PHLDB1: variants seen among roughly 807,000 people sequenced by gnomAD.
The protein encoded by PHLDB1 is pleckstrin homology-like domain family B member 1.
In PHLDB1, 65 loss-of-function variants were observed where a neutral mutation model predicts 139.3. The ratio of observed to expected loss-of-function variants is 0.47; its 90% CI spans 0.38 to 0.57. The LOEUF is 0.57. PHLDB1 is among the 20% of genes least tolerant of loss of function. PHLDB1 has a pLI of 0.00. For synonymous variants in PHLDB1, 679 were observed against 734.5 expected, an observed-to-expected ratio of 0.92 and a Z score of 1.22; for missense variants, 1,624 against 1,839.7, an observed-to-expected ratio of 0.88 and a Z score of 2.14.
chr11:118,655,718 GC>G, intron 21 of PHLDB1, 28 bp downstream of exon 21: 1 of 1,572,556 alleles, frequency 6.4e-7, no homozygotes, highest in Non-Finnish European at 8.7e-7. Flanking sequence ...CCAGAGGGGG[GC>G]CAGAGGGACA....
intron 1 of PHLDB1, among the ~76,000 whole-genome samples, chr11:118,612,564 G>T (rs564358162): frequency 6.6e-6 from 1 of 152,310 alleles, no homozygotes; most frequent in Non-Finnish European, 1.5e-5. Context: ...GGCAGTCTTG[G>T]GGTGGGCCCC....
At position 118,607,689 on chromosome 11, in the gene PHLDB1, C is replaced by CG; in HGVS notation, c.-32_-31insG. The CG allele has an allele frequency of 6.7e-6, 1 of 149,732 alleles. No individual in the cohort carries two copies. Among genetic ancestry groups the CG allele is most frequent in the African/African-American group, 2.5e-5 (1 of 40,422 alleles). 9.3% of individuals were successfully genotyped at this position (149,732 alleles called of 1,614,324 possible). A position where few individuals can be genotyped will look rare whatever the true frequency, so the allele number is the denominator to read the frequency against. On this transcript the variant is annotated 5_prime_UTR_variant, in exon 1 of 23. Transcript: ENST00000600882. Reference sequence around the variant, plus strand: ...GGGACCAGTGTCTCCCTGCCCCCCCCCCACCTCTAGGTAAGAGCGCCCCGT... The same window carrying CG: ...GGGACCAGTGTCTCCCTGCCCCCCCCGCCACCTCTAGGTAAGAGCGCCCCGT...
Position 118,620,460 on chromosome 11 carries a change from C to G in PHLDB1, c.355+4249C>G, listed in dbSNP as rs562204676. 6.6e-6 allele frequency among the ~76,000 whole-genome samples: 1 copy of G among 152,234 alleles called. No homozygotes were observed. Among genetic ancestry groups the G allele is most frequent in the Non-Finnish European group, 1.5e-5 (1 of 68,042 alleles). ...TGAGCCGAGATCGCACCATTGCACT[C>G]CAGCCTGGGCAACAAGAATGAAACT... On this transcript the variant is annotated intron_variant, in intron 4 of 22. Coordinates refer to ENST00000600882, the MANE Select transcript of PHLDB1 (RefSeq NM_001144758.3). This position sits in a 1 kb window ranked among gnomAD's most constrained non-coding sequence, Gnocchi z 4.1.
chr11:118,627,423 C>T lies in PHLDB1; in HGVS notation c.600C>T (p.Ile200=), dbSNP rs782139728. Residue 200 remains isoleucine (I), a synonymous_variant, in exon 6 of 23, where the codon ATC becomes ATT. Coordinates refer to ENST00000600882, the MANE Select transcript of PHLDB1 (RefSeq NM_001144758.3). The part of the protein sequence containing the change: ...VSSIEKDLQE[I]MDSLVLEEPG... ...CTATTGAGAAGGACCTGCAAGAGAT[C>T]ATGGACTCACTGGTGCTAGAGGAGC... The T allele has an allele frequency of 2.5e-6, 4 of 1,614,224 alleles. No individual in the cohort carries two copies. In the Admixed American group the frequency reaches 6.7e-5, roughly 27 times the overall value.
Position 118,627,563 on chromosome 11 carries a change from G to A in PHLDB1, c.740G>A (p.Ser247Asn). 1.9e-6 allele frequency: 3 copies of A among 1,613,942 alleles called. No homozygotes were observed. Among genetic ancestry groups the A allele is most frequent in the Non-Finnish European group, 2.5e-6 (3 of 1,179,952 alleles). ...CCCGGCGCCATGTCTGTGGGCTCCA[G>A]CTATGAGAACACCTCTCCAGCCTTC... ...TSPGAMSVGS[S>N]YENTSPAFSP... The change falls in exon 6 of 23, where the codon AGC becomes AAC. Residue 247 changes from serine to asparagine, a missense_variant. Transcript: ENST00000600882.
intron 22 of PHLDB1, 125 bp downstream of exon 22, chr11:118,656,017 G>T: frequency 1.3e-6 from 1 of 746,326 alleles, no homozygotes; most frequent in Admixed American, 2.2e-5. Context: ...CAGAAAGCAG[G>T]TTGCAAAGAG....
chr11:118,629,831 C>T, intron 6 of PHLDB1: 1 of 364,072 alleles, frequency 2.7e-6, no homozygotes, highest in Admixed American at 3.7e-5. Context: ...TCCCCCAACT[C>T]CTCCATCAGT....
chr11:118,625,284 G>C (rs1943661542), intron 5 of PHLDB1, among the ~76,000 whole-genome samples: 1 of 152,192 alleles, frequency 6.6e-6, no homozygotes, highest in South Asian at 2.1e-4. Context: ...TGCCTCGAGG[G>C]ATGGCAAGCT....
chr11:118,639,444 G>A, intron 12 of PHLDB1, 193 bp downstream of exon 12: 1 of 604,670 alleles, frequency 1.7e-6, no homozygotes, highest in Non-Finnish European at 3.0e-6. Context: ...CTGTTTAGTT[G>A]CCTCTGGGGT....
intron 4 of PHLDB1, among the ~76,000 whole-genome samples, chr11:118,622,582 C>G (rs1943049803): frequency 6.6e-6 from 1 of 152,126 alleles, no homozygotes; most frequent in Non-Finnish European, 1.5e-5. Flanking sequence ...CTACATCCTA[C>G]TTGGGTGGGC....
rs111245661 is a variant in PHLDB1 at position 118,656,668 on chromosome 11, C to T, written c.3994-15C>T. ...GGTGAGCCCCATCTTAGACCTTCCT[C>T]TCTTCCTTTGGCAGAGCCCGAACCC... On this transcript the variant is annotated splice_polypyrimidine_tract_variant and intron_variant, in intron 22 of 22. Transcript: ENST00000600882. 1 of 1,611,666 alleles carries T rather than the reference C, an allele frequency of 6.2e-7. No homozygotes were observed.
At chr11:118,613,462 C>A (rs1392691054) in intron 1 of PHLDB1, 1 of 997,934 alleles carries the variant, frequency 1.0e-6, no homozygotes, top group Non-Finnish European at 1.2e-6. Flanking sequence ...TAGATTTTCC[C>A]CACCCTGCTT....
chr11:118,632,861 C>T lies in PHLDB1; in HGVS notation c.2379+565C>T. ...CAGATGCCCAACACCGTGCCAAAAG[C>T]TCTGAAGTGGAGAGGGGTCATCTAT... On this transcript the variant is annotated intron_variant, in intron 9 of 22. Transcript: ENST00000600882. The surrounding 1 kb of genome is among the most constrained non-coding windows in gnomAD (Gnocchi z 5.9). 5 of 984,462 alleles carry T rather than the reference C, an allele frequency of 5.1e-6. No homozygotes were observed. Among genetic ancestry groups the T allele is most frequent in the Non-Finnish European group, 6.0e-6 (5 of 828,950 alleles). The allele number at this position is 984,462 out of a possible 1,614,324, so 61.0% of individuals were successfully genotyped here.
rs1555142261 is a variant in PHLDB1, at chr11:118,656,789, CAG to C, written c.4101_4102del (p.Ala1369Ter). ...CGTATCTGGATGGATGTCATTGTCA[CAG>C]GGGCTGAGGGCTACACTCAGTTCAT... On this transcript the variant is annotated frameshift_variant, in exon 23 of 23. Transcript: ENST00000600882. LOFTEE classifies it high-confidence loss of function. 6.2e-7 allele frequency: 1 copy of C among 1,614,086 alleles called. No homozygotes were observed. The highest frequency in any genetic ancestry group is 1.1e-5 in the South Asian group (1 of 91,084).
At chr11:118,606,784 C>T (rs183672835), upstream of PHLDB1, 1 of 152,362 alleles carries the variant, frequency 6.6e-6, no homozygotes, top group African/African-American at 2.4e-5. Context: ...TCCTTCTCTT[C>T]CTTATTAACT....
intron 5 of PHLDB1, among the ~76,000 whole-genome samples, chr11:118,626,683 T>C (rs1205331006): frequency 6.6e-6 from 1 of 151,852 alleles, no homozygotes; most frequent in Non-Finnish European, 1.5e-5. Flanking sequence ...ACGCCTGGCC[T>C]CTTTTTTTTT....
intron 5 of PHLDB1, among the ~76,000 whole-genome samples, chr11:118,625,999 C>T (rs1943786997): frequency 6.6e-6 from 1 of 152,202 alleles, no homozygotes; most frequent in African/African-American, 2.4e-5. Context: ...TCATGTCACT[C>T]CCTTAGCTGT....
At chr11:118,643,470 G>A in intron 13 of PHLDB1, 1 of 982,028 alleles carries the variant, frequency 1.0e-6, no homozygotes, top group Non-Finnish European at 1.2e-6. Flanking sequence ...TAGTGGCAGA[G>A]CTAGGACCAG....
rs987508782 is a variant in PHLDB1 at position 118,608,065 on chromosome 11, C to T, written c.-22+366C>T. Among the ~76,000 whole-genome samples the T allele has an allele frequency of 6.6e-6, 1 of 152,032 alleles. No individual in the cohort carries two copies. Among genetic ancestry groups the T allele is most frequent in the African/African-American group, 2.4e-5 (1 of 41,414 alleles). On this transcript the variant is annotated intron_variant, in intron 1 of 22. Transcript: ENST00000600882. The surrounding 1 kb of genome is among the most constrained non-coding windows in gnomAD (Gnocchi z 6.7). ...CGCGGGGTATCGGGCGGCGAGCGCG[C>T]GCGCGGGTTTTCGTCCTCCAGCGCC...
Sources: gnomAD v4.1 joint callset for allele counts (sites outside exome capture counted in the v4.1 genomes callset) on GRCh38, gnomAD v4.1.1 for gene constraint, Gnocchi (gnomAD v3.1) non-coding constraint, MANE v1.5 for transcripts, NCBI Gene and HGNC (gene_info 2026-07-23, HGNC 2026-07-21) for gene names.